The following PTPRG variants were observed in gnomAD, a reference collection of about 807,000 sequenced individuals.
The protein encoded by PTPRG is protein tyrosine phosphatase receptor type G, also known as receptor-type tyrosine-protein phosphatase gamma.
In PTPRG, 102 loss-of-function variants were observed where a neutral mutation model predicts 165.3. That is an observed-to-expected ratio of 0.62 (90% CI 0.53 to 0.73). PTPRG has a LOEUF of 0.73. Among genes scored for constraint, PTPRG ranks in the 30% least tolerant of loss-of-function variants. PTPRG has a pLI of 0.00. For missense variants in PTPRG, 1,866 were observed against 1,861.4 expected (o/e 1.00, Z -0.05); for synonymous variants, 675 against 669.5 (o/e 1.01, Z -0.13).
intron 2 of PTPRG, among the ~76,000 whole-genome samples, chr3:61,766,446 AGATTTT>A: frequency 6.6e-6 from 1 of 152,052 alleles, no homozygotes; most frequent in East Asian, 1.9e-4. Flanking sequence ...TTTCTTTCTT[AGATTTT>A]GATTCTAACA....
intron 2 of PTPRG, among the ~76,000 whole-genome samples, chr3:61,780,053 A>T (rs1035572196): frequency 2.0e-5 from 3 of 152,238 alleles, no homozygotes; most frequent in Non-Finnish European, 4.4e-5. Context: ...CCAGACTAAG[A>T]CACACTACCT....
intron 2 of PTPRG, among the ~76,000 whole-genome samples, chr3:61,980,511 T>C (rs185166834): frequency 1.3e-5 from 2 of 152,262 alleles, no homozygotes; most frequent in East Asian, 3.9e-4. Context: ...GAGGAGGGAA[T>C]TTAGGGTTGT....
intron 2 of PTPRG, among the ~76,000 whole-genome samples, chr3:61,879,318 G>C (rs1050357309): frequency 4.6e-5 from 7 of 152,124 alleles, no homozygotes; most frequent in Non-Finnish European, 1.0e-4. Flanking sequence ...TGCAATATTA[G>C]AGCAGTTTTA....
chr3:62,119,272 GACAA>G (rs1438315905), intron 5 of PTPRG, among the ~76,000 whole-genome samples: 2 of 152,222 alleles, frequency 1.3e-5, no homozygotes, highest in African/African-American at 2.4e-5. Context: ...TTTAGGAATT[GACAA>G]ACAGACTGGT....
chr3:62,253,413 G>T (rs1237952459), intron 15 of PTPRG, among the ~76,000 whole-genome samples: 2 of 152,120 alleles, frequency 1.3e-5, no homozygotes, highest in Non-Finnish European at 2.9e-5. Flanking sequence ...CTACATACTA[G>T]AGTGATTCTG....
intron 4 of PTPRG, among the ~76,000 whole-genome samples, chr3:62,027,749 G>C (rs557609275): frequency 1.3e-5 from 2 of 152,020 alleles, no homozygotes; most frequent in Non-Finnish European, 2.9e-5. Context: ...ATCAAAAAAC[G>C]TGCCCCAGAG....
At chr3:62,231,553 GTTAT>G (rs1216719315) in intron 14 of PTPRG, among the ~76,000 whole-genome samples, 3 of 152,006 alleles carry the variant, frequency 2.0e-5, no homozygotes, top group African/African-American at 4.8e-5. Flanking sequence ...TTTTGGGGGT[GTTAT>G]TTGTTTCCGG....
rs2030258664 is a variant in PTPRG at position 61,692,179 on chromosome 3, G to C, written c.86-56699G>C. On this transcript the variant is annotated intron_variant, in intron 1 of 29. Transcript: ENST00000474889. ...TGGTGTTAGTTAATGGTTTGATGAA[G>C]AGTTTTATGTTGCACGTAAGTTGCA... Among the ~76,000 whole-genome samples, 4 of 152,220 alleles carry C rather than the reference G, an allele frequency of 2.6e-5. No homozygotes were observed. In the South Asian group the frequency reaches 8.3e-4, roughly 32 times the overall value.
chr3:61,681,458 G>A (rs1703438499), intron 1 of PTPRG, among the ~76,000 whole-genome samples: 1 of 152,196 alleles, frequency 6.6e-6, no homozygotes, highest in African/African-American at 2.4e-5. Flanking sequence ...AGGTTGACTG[G>A]ATCTCGTAAT....
intron 2 of PTPRG, among the ~76,000 whole-genome samples, chr3:61,760,313 A>G (rs1172050076): frequency 3.3e-5 from 5 of 152,220 alleles, no homozygotes; most frequent in African/African-American, 1.2e-4. Context: ...TGGTATAACC[A>G]TACAGATTGT....
chr3:61,796,399 G>A (rs1415731991), intron 2 of PTPRG, among the ~76,000 whole-genome samples: 1 of 152,174 alleles, frequency 6.6e-6, no homozygotes, highest in Non-Finnish European at 1.5e-5. Flanking sequence ...AATAAATAAC[G>A]GCTGTGACTC....
chr3:62,268,087 T>G (rs980685492), intron 19 of PTPRG, among the ~76,000 whole-genome samples: 1 of 152,026 alleles, frequency 6.6e-6, no homozygotes, highest in Non-Finnish European at 1.5e-5. Context: ...TACAGAGATT[T>G]TTTAAAGGAG....
chr3:61,936,637 G>A (rs572630074), intron 2 of PTPRG, among the ~76,000 whole-genome samples: 1 of 152,278 alleles, frequency 6.6e-6, no homozygotes, highest in South Asian at 2.1e-4. Flanking sequence ...TTGTAGCTGT[G>A]TAGCTCCAAT....
At chr3:62,027,132 A>G (rs2107773749) in intron 4 of PTPRG, among the ~76,000 whole-genome samples, 1 of 152,142 alleles carries the variant, frequency 6.6e-6, no homozygotes, top group South Asian at 2.1e-4. Flanking sequence ...CCCCTTCTCC[A>G]TGGCTAGTTA....
At chr3:61,786,627 C>G (rs988694746) in intron 2 of PTPRG, among the ~76,000 whole-genome samples, 4 of 152,172 alleles carry the variant, frequency 2.6e-5, no homozygotes, top group Non-Finnish European at 4.4e-5. Flanking sequence ...GTGTCAGAAA[C>G]AGGCAGGAGT....
chr3:61,891,068 C>A (rs2038200795), intron 2 of PTPRG, among the ~76,000 whole-genome samples: 1 of 151,866 alleles, frequency 6.6e-6, no homozygotes, highest in Admixed American at 6.6e-5. Context: ...GCCTGTAATC[C>A]CAGCACCTTG....
intron 2 of PTPRG, among the ~76,000 whole-genome samples, chr3:61,882,528 G>C (rs1023338523): frequency 6.6e-6 from 1 of 152,054 alleles, no homozygotes; most frequent in African/African-American, 2.4e-5. Flanking sequence ...GAGGTACTAA[G>C]GGCTTTTATT....
intron 2 of PTPRG, among the ~76,000 whole-genome samples, chr3:61,889,528 A>G (rs2038148243): frequency 6.6e-6 from 1 of 152,246 alleles, no homozygotes; most frequent in Non-Finnish European, 1.5e-5. Context: ...GTGAAAACTT[A>G]GCCATTAAAG....
chr3:61,672,846 GGTCCATCATGTTTTGGA>G (rs1242275100), intron 1 of PTPRG, among the ~76,000 whole-genome samples: 2 of 149,926 alleles, frequency 1.3e-5, no homozygotes, highest in Non-Finnish European at 3.0e-5. Flanking sequence ...GGCTCTTAAG[GGTCCATCATGTTTTGGA>G]GTCTAAAAGT....
Sources: gnomAD v4.1 joint callset for allele counts (sites outside exome capture counted in the v4.1 genomes callset) on GRCh38, gnomAD v4.1.1 for gene constraint, MANE v1.5 for transcripts, NCBI Gene and HGNC (gene_info 2026-07-23, HGNC 2026-07-21) for gene names.